MAPK14: variants seen among roughly 807,000 people sequenced by gnomAD.
MAPK14 encodes the protein CSAID-binding protein.
In MAPK14, 16 loss-of-function variants were observed where a neutral mutation model predicts 49.6. The observed-to-expected ratio is 0.32, with a 90% CI of 0.22 to 0.49. The LOEUF is 0.49. MAPK14 is among the 20% of genes least tolerant of loss of function. The pLI, the probability that MAPK14 is intolerant of heterozygous loss-of-function variation, is 0.99. For missense variants in MAPK14, 200 were observed against 441.2 expected, an observed-to-expected ratio of 0.45 and a Z score of 4.90; for synonymous variants, 142 against 158.0, an observed-to-expected ratio of 0.90 and a Z score of 0.76.
At chr6:36,091,117 A>G (rs1045296835) in intron 8 of MAPK14, among the ~76,000 whole-genome samples, 1 of 152,168 alleles carries the variant, frequency 6.6e-6, no homozygotes, top group African/African-American at 2.4e-5. Context: ...AGGTCCTGCA[A>G]TTGGTCCTTT....
At chr6:36,047,067 A>G (rs1218687803) in intron 1 of MAPK14, among the ~76,000 whole-genome samples, 1 of 152,204 alleles carries the variant, frequency 6.6e-6, no homozygotes, top group Admixed American at 6.5e-5. Context: ...TTTAGAGATG[A>G]GTATACATTT....
chr6:36,065,087 GTCTTCTCATCAGAAGC>G (rs1763992779), intron 3 of MAPK14, among the ~76,000 whole-genome samples: 1 of 152,196 alleles, frequency 6.6e-6, no homozygotes, highest in African/African-American at 2.4e-5. Context: ...CTACCCAAGG[GTCTTCTCATCAGAAGC>G]TCTTCTTTTG....
chr6:36,122,465 G>A, the MAPK14 span, among the ~76,000 whole-genome samples: 106 of 152,342 alleles, frequency 7.0e-4, no homozygotes, highest in Middle Eastern at 3.4e-3. Context: ...TGGGGATAAG[G>A]CCCTGCTACA....
chr6:36,051,491 C>A (rs776034434), intron 1 of MAPK14, among the ~76,000 whole-genome samples: 1 of 152,174 alleles, frequency 6.6e-6, no homozygotes, highest in East Asian at 1.9e-4. Flanking sequence ...GCATCTCTTA[C>A]GTCATCCCTT....
intron 3 of MAPK14, among the ~76,000 whole-genome samples, chr6:36,071,654 G>T (rs61212706): frequency 0.16 from 24,877 of 151,870 alleles, 2,813 homozygotes; most frequent in African/African-American, 0.33. Flanking sequence ...AATTACAGTT[G>T]GAAAATAAAA....
intron 2 of MAPK14, among the ~76,000 whole-genome samples, chr6:36,058,538 G>A (rs1378253123): frequency 6.6e-6 from 1 of 152,210 alleles, no homozygotes; most frequent in African/African-American, 2.4e-5. Flanking sequence ...ATTAGTTGGA[G>A]TTATTAAGTA....
At chr6:36,123,672 G>A in the MAPK14 span, among the ~76,000 whole-genome samples, 4 of 152,184 alleles carry the variant, frequency 2.6e-5, no homozygotes, top group African/African-American at 4.8e-5. Flanking sequence ...TACTGCCCTC[G>A]CCCTTACAGA....
rs537456935 is a variant in MAPK14, at chr6:36,092,459, G to A, written c.683-3528G>A. 3.3e-4 allele frequency: 214 copies of A among 651,044 alleles called. 2 individuals are homozygous for A. The Middle Eastern group carries it at 3.5e-3, about 11-fold the overall frequency. The allele number at this position is 651,044 out of a possible 1,614,324, so 40.3% of individuals were successfully genotyped here. A position where few individuals can be genotyped will look rare whatever the true frequency, so the allele number is the denominator to read the frequency against. Reference sequence around the variant, plus strand: ...GAAGCGTTCTCTGCAGCACAGGGATGACCGCTACATCATCACCAGTCTGTT... The same window carrying A: ...GAAGCGTTCTCTGCAGCACAGGGATAACCGCTACATCATCACCAGTCTGTT... On this transcript the variant is annotated intron_variant, in intron 8 of 11. Transcript: ENST00000229794.
At chr6:36,093,703 A>C (rs1312344419) in intron 8 of MAPK14, among the ~76,000 whole-genome samples, 1 of 132,256 alleles carries the variant, frequency 7.6e-6, no homozygotes, top group Non-Finnish European at 1.6e-5. Flanking sequence ...TGGGCGACAG[A>C]GCGAGAGACT....
chr6:36,107,765 G>A lies in MAPK14; in HGVS notation c.1015+137G>A. The A allele has an allele frequency of 1.8e-6, 1 of 545,458 alleles. No individual in the cohort carries two copies. Among genetic ancestry groups the A allele is most frequent in the African/African-American group, 1.9e-5 (1 of 51,982 alleles). The allele number at this position is 545,458 out of a possible 1,614,324, so 33.8% of individuals were successfully genotyped here. ...ATGCAGAATGAATATGTTCTCTGGT[G>A]GAAACTGTTGTAGACAGTGATACTC... On this transcript the variant is annotated intron_variant, in intron 11 of 11. Coordinates refer to ENST00000229794, the MANE Select transcript of MAPK14 (RefSeq NM_139012.3). This position sits in a 1 kb window ranked among gnomAD's most constrained non-coding sequence, Gnocchi z 4.3.
chr6:36,034,120 C>T (rs770599203), intron 1 of MAPK14, among the ~76,000 whole-genome samples: 2 of 152,128 alleles, frequency 1.3e-5, no homozygotes, highest in African/African-American at 2.4e-5. Flanking sequence ...CTGAGTCACT[C>T]GGAATAGAGC....
At chr6:36,086,224 C>G (rs746564522) in intron 8 of MAPK14, among the ~76,000 whole-genome samples, 4 of 152,060 alleles carry the variant, frequency 2.6e-5, no homozygotes, top group Non-Finnish European at 5.9e-5. Context: ...AATTGACACC[C>G]TAACATCACA....
At chr6:36,053,482 C>A (rs993354770) in intron 2 of MAPK14, among the ~76,000 whole-genome samples, 1 of 151,864 alleles carries the variant, frequency 6.6e-6, no homozygotes, top group Admixed American at 6.6e-5. Flanking sequence ...AATTCTAATA[C>A]GATAAATAAG....
downstream of MAPK14, among the ~76,000 whole-genome samples, chr6:36,111,453 T>C (rs939588322): frequency 6.6e-6 from 1 of 152,246 alleles, no homozygotes; most frequent in Non-Finnish European, 1.5e-5. Context: ...AGACTATCTA[T>C]AAGCCATATA....
chr6:36,044,336 A>G (rs935140377), intron 1 of MAPK14, among the ~76,000 whole-genome samples: 37 of 152,314 alleles, frequency 2.4e-4, no homozygotes, highest in Admixed American at 2.0e-3. Flanking sequence ...CATTCTTCAT[A>G]TTCTGTTGAT....
rs796534477 is a variant in MAPK14 at position 36,043,804 on chromosome 6, CTTTTT to C, written c.117-8876_117-8872del. Among the ~76,000 whole-genome samples, 8 of 90,398 alleles carry C rather than the reference CTTTTT, an allele frequency of 8.8e-5. No individual in the cohort carries two copies. The South Asian group carries it at 1.2e-3, about 13-fold the overall frequency. 59.3% of individuals were successfully genotyped at this position (90,398 alleles called of 152,430 possible). ...TAGATATTCTTTTTTCTTTTTCTTT[CTTTTT>C]TTTTTTTTTTTTTTTTTTGAGATGG... On this transcript the variant is annotated intron_variant, in intron 1 of 11. Transcript: ENST00000229794.
chr6:36,107,594 T>C lies in MAPK14; in HGVS notation c.981T>C (p.Phe327=), dbSNP rs769404794. 6.3e-7 allele frequency: 1 copy of C among 1,596,698 alleles called. No homozygotes were observed. Among genetic ancestry groups the C allele is most frequent in the East Asian group, 2.3e-5 (1 of 44,264 alleles). The change falls in exon 11 of 12, where the codon TTT becomes TTC. Residue 327 remains phenylalanine, a synonymous_variant. Transcript: ENST00000229794. The surrounding 1 kb of genome is among the most constrained non-coding windows in gnomAD (Gnocchi z 4.3). ...TGGCCGATCCTTATGATCAGTCCTT[T>C]GAAAGCAGGGACCTCCTTATAGATG... is the stretch of plus-strand genomic sequence containing the variant. The part of the protein sequence containing the change: ...EPVADPYDQS[F]ESRDLLIDEW...
the MAPK14 span, among the ~76,000 whole-genome samples, chr6:36,116,611 C>G: frequency 6.6e-6 from 1 of 152,106 alleles, no homozygotes; most frequent in Non-Finnish European, 1.5e-5. Context: ...CAGTAATACT[C>G]CTGATCAGTA....
chr6:36,121,459 G>A, the MAPK14 span, among the ~76,000 whole-genome samples: 1 of 152,306 alleles, frequency 6.6e-6, no homozygotes, highest in African/African-American at 2.4e-5. Flanking sequence ...AGCTGGATCC[G>A]GGTGCCCCCT....
Sources: gnomAD v4.1 joint callset for allele counts (sites outside exome capture counted in the v4.1 genomes callset) on GRCh38, gnomAD v4.1.1 for gene constraint, Gnocchi (gnomAD v3.1) non-coding constraint, MANE v1.5 for transcripts, NCBI Gene and HGNC (gene_info 2026-07-23, HGNC 2026-07-21) for gene names.